Variants in MRE11 observed in about 807,000 individuals in gnomAD.
MRE11 encodes double-strand break repair protein MRE11.
In MRE11, 62 loss-of-function variants were observed where a neutral mutation model predicts 91.7. That is an observed-to-expected ratio of 0.68 (90% CI 0.55 to 0.84). MRE11 has a LOEUF of 0.84. Ranked by LOEUF, MRE11 falls within the 40% of genes least tolerant of loss-of-function variation. MRE11 has a pLI of 0.00. For missense variants in MRE11, 796 were observed against 852.9 expected, an observed-to-expected ratio of 0.93 and a Z score of 0.83; for synonymous variants, 273 against 271.4, an observed-to-expected ratio of 1.01 and a Z score of -0.06.
chr11:94,496,935 C>T, upstream of MRE11: 1 of 1,613,238 alleles, frequency 6.2e-7, no homozygotes, highest in Non-Finnish European at 8.5e-7. Flanking sequence ...CTTCTTTGGG[C>T]TGCTGAAAAA....
At chr11:94,496,793 G>A (rs1258339520), upstream of MRE11, 1 of 1,613,950 alleles carries the variant, frequency 6.2e-7, no homozygotes, top group South Asian at 1.1e-5. Flanking sequence ...GGAAACACAT[G>A]GACACCTTAT....
At chr11:94,498,126 A>G, upstream of MRE11, 7 of 1,614,050 alleles carry the variant, frequency 4.3e-6, no homozygotes, top group Non-Finnish European at 5.9e-6. Context: ...AACACTAGGG[A>G]TGAAGATGAG....
intron 7 of MRE11, among the ~76,000 whole-genome samples, chr11:94,473,790 A>G (rs1946777457): frequency 6.6e-6 from 1 of 152,170 alleles, no homozygotes; most frequent in East Asian, 1.9e-4. Context: ...CAGGGGTATG[A>G]GTTAGCAATT....
At chr11:94,471,965 A>G (rs1946728892) in intron 7 of MRE11, among the ~76,000 whole-genome samples, 1 of 152,030 alleles carries the variant, frequency 6.6e-6, no homozygotes, top group Admixed American at 6.6e-5. Context: ...GGACACAGAC[A>G]AGTGGAAACC....
Position 94,419,544 on chromosome 11 carries a change from G to T in MRE11, c.*581C>A. Reference sequence around the variant, plus strand: ...TAAAGGAAATTACTACCACTTAATGGGAACACAATCTTTTGAAATCTTTGC... The same window carrying T: ...TAAAGGAAATTACTACCACTTAATGTGAACACAATCTTTTGAAATCTTTGC... On this transcript the variant is annotated 3_prime_UTR_variant, in exon 20 of 20. Coordinates refer to ENST00000323929, the MANE Select transcript of MRE11 (RefSeq NM_005591.4). 4.3e-6 allele frequency: 1 copy of T among 229,942 alleles called. No homozygotes were observed. Among genetic ancestry groups the T allele is most frequent in the Middle Eastern group, 1.3e-3 (1 of 758 alleles). 14.2% of individuals were successfully genotyped at this position (229,942 alleles called of 1,614,324 possible). A position where few individuals can be genotyped will look rare whatever the true frequency, so the allele number is the denominator to read the frequency against.
rs1945083644 is a variant in MRE11 at position 94,418,587 on chromosome 11, G to C, written c.*1538C>G. The C allele has an allele frequency of 4.3e-6, 1 of 232,244 alleles. No homozygotes were observed. The highest frequency in any genetic ancestry group is 8.5e-6 in the Non-Finnish European group (1 of 117,548). 14.4% of individuals were successfully genotyped at this position (232,244 alleles called of 1,614,324 possible). A position where few individuals can be genotyped will look rare whatever the true frequency, so the allele number is the denominator to read the frequency against. ...GGTAGCACAGCATCATCCAGACACTGCCTCCCCTGGTAGCTTCCATTACAT... is the reference window on the plus strand; with the variant it reads ...GGTAGCACAGCATCATCCAGACACTCCCTCCCCTGGTAGCTTCCATTACAT... On this transcript the variant is annotated 3_prime_UTR_variant, in exon 20 of 20. Transcript: ENST00000323929.
the MRE11 span, chr11:94,512,367 C>T: frequency 1.7e-6 from 1 of 587,514 alleles, no homozygotes. Context: ...ATAACTTCAG[C>T]ACCTTCTTTG....
chr11:94,426,744 A>G (rs917367915), intron 19 of MRE11, among the ~76,000 whole-genome samples: 2 of 152,306 alleles, frequency 1.3e-5, no homozygotes, highest in South Asian at 2.1e-4. Flanking sequence ...CCCCACAGAA[A>G]TACAAAAGAT....
At chr11:94,457,603 A>T (rs1167537716) in intron 13 of MRE11, among the ~76,000 whole-genome samples, 9 of 152,158 alleles carry the variant, frequency 5.9e-5, no homozygotes, top group African/African-American at 2.2e-4. Flanking sequence ...CAGAAGAGAA[A>T]TGAGAGTCAG....
upstream of MRE11, among the ~76,000 whole-genome samples, chr11:94,495,825 T>C (rs1179395465): frequency 1.3e-5 from 2 of 152,096 alleles, no homozygotes; most frequent in Non-Finnish European, 2.9e-5. Context: ...GCCAGACACA[T>C]GATGTCTTTG....
chr11:94,442,986 T>C (rs982907096), intron 16 of MRE11, among the ~76,000 whole-genome samples: 1 of 152,240 alleles, frequency 6.6e-6, no homozygotes, highest in Non-Finnish European at 1.5e-5. Context: ...CTAAGGATCT[T>C]AGCTAGCTCT....
chr11:94,437,127 T>G (rs528393065), intron 17 of MRE11, 50 bp downstream of exon 17: 1 of 1,474,700 alleles, frequency 6.8e-7, no homozygotes, highest in Non-Finnish European at 9.4e-7. Context: ...CAATTCATAA[T>G]GCAGAAAACA....
At chr11:94,471,061 ATTC>A (rs1199516742) in intron 8 of MRE11, among the ~76,000 whole-genome samples, 1 of 152,050 alleles carries the variant, frequency 6.6e-6, no homozygotes, top group Non-Finnish European at 1.5e-5. Flanking sequence ...CTACTACCAT[ATTC>A]TTTAACCCTA....
At chr11:94,480,739 G>T (rs476137) in intron 4 of MRE11, among the ~76,000 whole-genome samples, 76,373 of 151,992 alleles carry the variant, frequency 0.5, 20,065 homozygotes, top group African/African-American at 0.66. Context: ...TAACACAGTA[G>T]GTCATCCAGC....
At chr11:94,462,246 G>GC (rs968789407) in intron 11 of MRE11, among the ~76,000 whole-genome samples, 31 of 152,250 alleles carry the variant, frequency 2.0e-4, no homozygotes, top group African/African-American at 6.3e-4. Context: ...TCTTCAAGGA[G>GC]AACTACAAAC....
At chr11:94,487,914 G>A (rs988406013) in intron 3 of MRE11, among the ~76,000 whole-genome samples, 3 of 152,210 alleles carry the variant, frequency 2.0e-5, no homozygotes, top group Non-Finnish European at 2.9e-5. Context: ...AACTAAGACT[G>A]GTTAGTGGGC....
Position 94,470,502 on chromosome 11 carries a change from G to A in MRE11, c.986C>T (p.Thr329Ile). 6.2e-7 allele frequency: 1 copy of A among 1,613,030 alleles called. No homozygotes were observed. Among genetic ancestry groups the A allele is most frequent in the Non-Finnish European group, 8.5e-7 (1 of 1,179,224 alleles). Residue 329 changes from threonine (T) to isoleucine (I), a missense_variant, in exon 9 of 20, where the codon ACC becomes ATC. Thr to Ile is a moderately conservative substitution (Grantham distance 89). Transcript: ENST00000323929. ...CAAACAGAAGCTTTGTATGGCTTGG[G>A]TTACTTTAGGATTATCTGGGTTAAA... The part of the protein sequence containing the change: ...DIFNPDNPKV[T>I]QAIQSFCLEK...
the MRE11 span, among the ~76,000 whole-genome samples, chr11:94,505,382 C>G: frequency 2.0e-5 from 3 of 152,036 alleles, no homozygotes; most frequent in African/African-American, 7.2e-5. Context: ...CGTGATGACC[C>G]TATTTTGGCC....
rs953717605 is a variant in MRE11, at chr11:94,448,894, T to C, written c.1564-1456A>G. ...GAACAAAAACAAAATACATTTTCCA[T>C]AAAATTAAAAAATAGTTCCAAACCC... On this transcript the variant is annotated intron_variant, in intron 14 of 19. Transcript: ENST00000323929. 2.0e-5 allele frequency among the ~76,000 whole-genome samples: 3 copies of C among 152,120 alleles called. No homozygotes were observed. The South Asian group carries it at 6.2e-4, about 31-fold the overall frequency.
Sources: gnomAD v4.1 joint callset for allele counts (sites outside exome capture counted in the v4.1 genomes callset) on GRCh38, gnomAD v4.1.1 for gene constraint, MANE v1.5 for transcripts, NCBI Gene and HGNC (gene_info 2026-07-23, HGNC 2026-07-21) for gene names.